Variants in DCC observed in about 807,000 individuals in gnomAD.
The protein encoded by DCC is DCC netrin 1 receptor.
In DCC, 58 loss-of-function variants were observed where a neutral mutation model predicts 172.5. That is an observed-to-expected ratio of 0.34 (90% CI 0.27 to 0.42). The LOEUF (loss-of-function observed/expected upper bound fraction) is 0.42, where lower values mean the gene tolerates loss of function less well. Ranked by LOEUF, DCC falls within the 10% of genes least tolerant of loss-of-function variation. The pLI is 1.00. For synonymous variants in DCC, 709 were observed against 644.5 expected, an observed-to-expected ratio of 1.10 and a Z score of -1.52; for missense variants, 1,740 against 1,791.0, an observed-to-expected ratio of 0.97 and a Z score of 0.51.
intron 2 of DCC, among the ~76,000 whole-genome samples, chr18:52,816,376 C>T (rs2038296948): frequency 6.6e-6 from 1 of 152,192 alleles, no homozygotes; most frequent in South Asian, 2.1e-4. Flanking sequence ...GGTGGGTCAT[C>T]CAGGCTCACA....
At chr18:52,967,190 C>T (rs2040947765) in intron 5 of DCC, among the ~76,000 whole-genome samples, 1 of 152,174 alleles carries the variant, frequency 6.6e-6, no homozygotes, top group Admixed American at 6.5e-5. Context: ...CAATTTATTA[C>T]TTTGGCTGTC....
chr18:52,999,559 C>T (rs1260640865), intron 5 of DCC, among the ~76,000 whole-genome samples: 3 of 152,024 alleles, frequency 2.0e-5, no homozygotes, highest in African/African-American at 7.2e-5. Context: ...GGCCTTATAT[C>T]TGACAAAATC....
At chr18:53,399,226 T>A (rs1240991729) in intron 18 of DCC, among the ~76,000 whole-genome samples, 1 of 152,154 alleles carries the variant, frequency 6.6e-6, no homozygotes, top group Non-Finnish European at 1.5e-5. Context: ...AACTGTTGGT[T>A]TATCCCTTCA....
intron 2 of DCC, among the ~76,000 whole-genome samples, chr18:52,761,809 T>A (rs2037164078): frequency 6.8e-6 from 1 of 147,274 alleles, no homozygotes; most frequent in South Asian, 2.1e-4. Flanking sequence ...CTCGAGAGGC[T>A]GAGGTAGGAG....
intron 24 of DCC, among the ~76,000 whole-genome samples, chr18:53,463,367 C>T (rs542040704): frequency 5.9e-5 from 9 of 152,154 alleles, no homozygotes; most frequent in East Asian, 1.9e-4. Context: ...TTGAGGACCT[C>T]GTTGCCAATT....
chr18:52,777,304 C>G (rs1046521025), intron 2 of DCC, among the ~76,000 whole-genome samples: 2 of 60,448 alleles, frequency 3.3e-5, no homozygotes, highest in African/African-American at 9.4e-5. Context: ...ACCACAGTGG[C>G]CCTGAAGGCC....
At chr18:53,188,150 C>CT (rs1274091878) in intron 9 of DCC, among the ~76,000 whole-genome samples, 1 of 152,166 alleles carries the variant, frequency 6.6e-6, no homozygotes, top group East Asian at 1.9e-4. Flanking sequence ...TCCATCAACA[C>CT]TTTAAGATAG....
Position 52,541,881 on chromosome 18 carries a change from A to ATATATATATG in DCC, c.91+201012_91+201013insGTATATATAT, listed in dbSNP as rs1160118260. 2.4e-3 allele frequency among the ~76,000 whole-genome samples: 322 copies of ATATATATATG among 132,928 alleles called. 5 individuals are homozygous for ATATATATATG. Among genetic ancestry groups the ATATATATATG allele is most frequent in the Middle Eastern group, 3.9e-3 (1 of 258 alleles). The allele number at this position is 132,928 out of a possible 152,430, so 87.2% of individuals were successfully genotyped here. Reference sequence around the variant, plus strand: ...GTATATGATGTGTGTGTGTGTATATATATATATATATATATGTGTATATAT... The same window carrying ATATATATATG: ...GTATATGATGTGTGTGTGTGTATATATATATATATGTATATATATATATATGTGTATATAT... On this transcript the variant is annotated intron_variant, in intron 1 of 28. Coordinates refer to ENST00000442544, the MANE Select transcript of DCC (RefSeq NM_005215.4).
intron 3 of DCC, among the ~76,000 whole-genome samples, chr18:52,921,699 A>T (rs886880919): frequency 1.3e-4 from 16 of 123,428 alleles, no homozygotes; most frequent in African/African-American, 4.2e-4. Flanking sequence ...TCCATCTCAA[A>T]AATAAAAATA....
Position 53,459,452 on chromosome 18 carries a change from C to A in DCC, c.3613C>A (p.His1205Asn). 3.7e-6 allele frequency: 6 copies of A among 1,601,582 alleles called. No homozygotes were observed. Among genetic ancestry groups the A allele is most frequent in the Non-Finnish European group, 4.3e-6 (5 of 1,168,914 alleles). ...CCAACTGGGAAGCAAAAGCACCTCT[C>A]ATTCAGGTAATTATCTTTTCACTGG... is the stretch of plus-strand genomic sequence containing the variant. ...ETQLGSKSTS[H>N]SGQDTEEAGS... The change falls in exon 24 of 29, where the codon CAT becomes AAT. Residue 1205 changes from histidine to asparagine, a missense_variant. Around this residue, in one of 2 missense-constraint regions of DCC, gnomAD observed 1,732 missense variants for 1,767.4 expected, o/e 0.98. Coordinates refer to ENST00000442544, the MANE Select transcript of DCC (RefSeq NM_005215.4).
intron 1 of DCC, among the ~76,000 whole-genome samples, chr18:52,459,431 A>G (rs898652580): frequency 2.6e-5 from 4 of 151,320 alleles, no homozygotes; most frequent in African/African-American, 7.3e-5. Flanking sequence ...GCTCCCATTT[A>G]TAAGTAAGAA....
intron 1 of DCC, among the ~76,000 whole-genome samples, chr18:52,526,414 A>G (rs557005762): frequency 6.6e-6 from 1 of 152,138 alleles, no homozygotes; most frequent in Non-Finnish European, 1.5e-5. Context: ...AGGTCTTCAG[A>G]CACTGCAAGG....
chr18:53,462,654 G>C (rs1599177421), intron 24 of DCC, among the ~76,000 whole-genome samples: 1 of 152,058 alleles, frequency 6.6e-6, no homozygotes, highest in African/African-American at 2.4e-5. Flanking sequence ...CCTGCCCCCA[G>C]GTCCATGAAA....
intron 2 of DCC, among the ~76,000 whole-genome samples, chr18:52,892,113 C>G (rs1385628199): frequency 6.6e-6 from 1 of 152,060 alleles, no homozygotes; most frequent in Non-Finnish European, 1.5e-5. Context: ...AGCTTCAAAG[C>G]CCATGTCCTA....
intron 15 of DCC, among the ~76,000 whole-genome samples, chr18:53,354,123 T>C (rs1321007062): frequency 6.6e-6 from 1 of 152,252 alleles, no homozygotes; most frequent in African/African-American, 2.4e-5. Flanking sequence ...TAGTATCCCA[T>C]GGTGTATATG....
chr18:52,733,372 C>T (rs2036675800), intron 1 of DCC, among the ~76,000 whole-genome samples: 1 of 152,156 alleles, frequency 6.6e-6, no homozygotes, highest in African/African-American at 2.4e-5. Context: ...CAGTTTCCTT[C>T]AGTTAGACCC....
rs750996333 is a variant in DCC, at chr18:53,486,957, G to A, written c.3897G>A (p.Gln1299=). Residue 1299 remains glutamine, a splice_region_variant and synonymous_variant, in exon 26 of 29, where the codon CAG becomes CAA. Coordinates refer to ENST00000442544, the MANE Select transcript of DCC (RefSeq NM_005215.4). ...GAGGTTTCGGAGCAGGAAGAAGTCA[G>A]TGTAATGCATTTTCCTCTCTTTTTA... ...VDRGFGAGRS[Q]SVSEGPTTQQ... is the part of the protein sequence containing the mutation. 4.3e-6 allele frequency: 7 copies of A among 1,614,042 alleles called. No homozygotes were observed. Among genetic ancestry groups the A allele is most frequent in the African/African-American group, 1.3e-5 (1 of 74,930 alleles).
rs920087585 is a variant in DCC at position 53,177,331 on chromosome 18, A to T, written c.1419-1631A>T. On this transcript the variant is annotated intron_variant, in intron 8 of 28. Transcript: ENST00000442544. ...TGTACCCTAAAACTTAAAGTATAAT[A>T]AAAAAAAAGAAAAAAATTATTTACT... 4.6e-5 allele frequency among the ~76,000 whole-genome samples: 7 copies of T among 151,072 alleles called. No individual in the cohort carries two copies. The East Asian group carries it at 5.8e-4, about 13-fold the overall frequency.
intron 14 of DCC, among the ~76,000 whole-genome samples, chr18:53,337,084 G>A (rs1055487746): frequency 3.3e-5 from 5 of 152,190 alleles, no homozygotes; most frequent in African/African-American, 2.4e-5. Context: ...TTAAAGCTCC[G>A]ATGAATAAAA....
Sources: allele counts gnomAD v4.1 joint callset (sites outside exome capture counted in the v4.1 genomes callset), GRCh38; gene constraint gnomAD v4.1.1; regional missense constraint gnomAD v4.1.1; transcripts MANE v1.5; gene names NCBI Gene and HGNC (gene_info 2026-07-23, HGNC 2026-07-21).